Variants in GOLGB1 observed in about 807,000 individuals in gnomAD.
The protein encoded by GOLGB1 is golgin subfamily B member 1.
GOLGB1 carries 174 observed loss-of-function variants against 336.9 expected under a neutral mutation model. The ratio of observed to expected loss-of-function variants is 0.52; its 90% CI spans 0.46 to 0.59. The LOEUF is 0.59. GOLGB1 is among the 20% of genes least tolerant of loss of function. The pLI is 0.00. For synonymous variants in GOLGB1, 1,208 were observed against 1,289.2 expected (o/e 0.94, Z 1.35); for missense variants, 3,331 against 3,645.3 (o/e 0.91, Z 2.22).
intron 13 of GOLGB1, 134 bp downstream of exon 13, chr3:121,693,606 AG>A (rs1942665732): frequency 8.9e-6 from 6 of 671,150 alleles, no homozygotes; most frequent in Non-Finnish European, 1.5e-5. Context: ...AAAAGTCAGA[AG>A]TGAGAGAGAA....
At chr3:121,731,658 C>A (rs1308928126) in intron 1 of GOLGB1, among the ~76,000 whole-genome samples, 3 of 152,044 alleles carry the variant, frequency 2.0e-5, no homozygotes, top group Non-Finnish European at 2.9e-5. Flanking sequence ...CTTGATAAAC[C>A]ATGTGGCTTT....
At chr3:121,670,376 T>C (rs1939325719) in intron 17 of GOLGB1, among the ~76,000 whole-genome samples, 1 of 152,138 alleles carries the variant, frequency 6.6e-6, no homozygotes, top group Non-Finnish European at 1.5e-5. Flanking sequence ...ACAAACAATG[T>C]TTTAGAGGAG....
intron 1 of GOLGB1, among the ~76,000 whole-genome samples, chr3:121,736,692 C>T (rs1946491224): frequency 6.6e-6 from 1 of 152,116 alleles, no homozygotes; most frequent in African/African-American, 2.4e-5. Flanking sequence ...CACTTGAGGT[C>T]AGTAGTTCGA....
intron 5 of GOLGB1, among the ~76,000 whole-genome samples, chr3:121,725,891 G>A (rs950276898): frequency 7.2e-5 from 11 of 151,812 alleles, no homozygotes; most frequent in East Asian, 1.9e-4. Context: ...GCTGCCTTGC[G>A]ACACCACTGA....
chr3:121,705,798 T>C (rs188310820), intron 10 of GOLGB1, among the ~76,000 whole-genome samples: 29 of 152,294 alleles, frequency 1.9e-4, no homozygotes, highest in African/African-American at 7.0e-4. Flanking sequence ...GAATAGCACT[T>C]GGTGCTCACA....
intron 14 of GOLGB1, among the ~76,000 whole-genome samples, chr3:121,683,321 GCA>G (rs1395917264): frequency 6.6e-6 from 1 of 152,016 alleles, no homozygotes; most frequent in Non-Finnish European, 1.5e-5. Context: ...GGCACCTGAG[GCA>G]CAGTTACAAG....
At chr3:121,726,758 A>G in intron 5 of GOLGB1, among the ~76,000 whole-genome samples, 155 bp downstream of exon 5, 1 of 152,318 alleles carries the variant, frequency 6.6e-6, no homozygotes, top group African/African-American at 2.4e-5. Flanking sequence ...TTCTAATAAA[A>G]TTACCAGACA....
chr3:121,677,047 A>G lies in GOLGB1; in HGVS notation c.9040-17T>C, dbSNP rs1473275547. ...TGGGGATGCCTGCCAGGACACAAACATTGATCAGATTCTCTCCTAAGATTG... is the reference window on the plus strand; with the variant it reads ...TGGGGATGCCTGCCAGGACACAAACGTTGATCAGATTCTCTCCTAAGATTG... On this transcript the variant is annotated splice_polypyrimidine_tract_variant and intron_variant, in intron 16 of 21. Transcript: ENST00000614479. 1 of 1,613,738 alleles carries G rather than the reference A, an allele frequency of 6.2e-7. No individual in the cohort carries two copies. The highest frequency in any genetic ancestry group is 8.5e-7 in the Non-Finnish European group (1 of 1,179,706).
At chr3:121,670,764 G>GC (rs1424337874) in intron 17 of GOLGB1, among the ~76,000 whole-genome samples, 4 of 148,430 alleles carry the variant, frequency 2.7e-5, no homozygotes, top group African/African-American at 9.9e-5. Context: ...TTGGGGGGGG[G>GC]GGTGTGGGAG....
intron 4 of GOLGB1, among the ~76,000 whole-genome samples, chr3:121,728,391 C>G (rs1398300665): frequency 6.6e-6 from 1 of 152,062 alleles, no homozygotes; most frequent in Non-Finnish European, 1.5e-5. Flanking sequence ...CAAAATGAAA[C>G]TAAAAAAATA....
At chr3:121,733,810 A>C (rs1023141965) in intron 1 of GOLGB1, among the ~76,000 whole-genome samples, 1 of 152,222 alleles carries the variant, frequency 6.6e-6, no homozygotes, top group Admixed American at 6.5e-5. Flanking sequence ...GAGAAAGGAC[A>C]ATCTTTTCAA....
In GOLGB1 at chr3:121,719,751, C is replaced by T. The variant is rs750600082; in HGVS notation, c.666G>A (p.Gln222=). Residue 222 remains glutamine, a synonymous_variant, in exon 7 of 22, where the codon CAG becomes CAA. Coordinates refer to ENST00000614479, the MANE Select transcript of GOLGB1 (RefSeq NM_001366282.2). ...EQAAQLSSMQ[Q]VVREKDARFE... is the part of the protein sequence containing the mutation. ...AGCGGGCATCTTTCTCTCGGACCAC[C>T]TGCTGCATGGAACTCAACTGAAGAC... 1 of 1,605,638 alleles carries T rather than the reference C, an allele frequency of 6.2e-7. No homozygotes were observed. Among genetic ancestry groups the T allele is most frequent in the Non-Finnish European group, 8.5e-7 (1 of 1,175,938 alleles).
chr3:121,705,582 T>C (rs1008052271), intron 10 of GOLGB1, among the ~76,000 whole-genome samples: 1 of 152,174 alleles, frequency 6.6e-6, no homozygotes, highest in Non-Finnish European at 1.5e-5. Context: ...CCTAAGTTCA[T>C]GAGACAGAGC....
intron 1 of GOLGB1, among the ~76,000 whole-genome samples, chr3:121,747,151 TA>T (rs1420948276): frequency 4.1e-3 from 30 of 7,390 alleles, no homozygotes; most frequent in African/African-American, 0.01. Flanking sequence ...ACATGGATGT[TA>T]TATATATATA....
rs981658545 is a variant in GOLGB1, at chr3:121,663,648, C to T, written c.*832G>A. ...GAGAGTCAATGCCTAATATTGGCTC[C>T]CAGTGGCCCCTGAGCACTGTCTCAG... On this transcript the variant is annotated 3_prime_UTR_variant, in exon 22 of 22. Coordinates refer to ENST00000614479, the MANE Select transcript of GOLGB1 (RefSeq NM_001366282.2). 4.6e-5 allele frequency: 7 copies of T among 151,998 alleles called. No individual in the cohort carries two copies. Among genetic ancestry groups the T allele is most frequent in the African/African-American group, 1.7e-4 (7 of 41,360 alleles). The allele number at this position is 151,998 out of a possible 1,614,324, so 9.4% of individuals were successfully genotyped here. A position where few individuals can be genotyped will look rare whatever the true frequency, so the allele number is the denominator to read the frequency against.
intron 14 of GOLGB1, among the ~76,000 whole-genome samples, chr3:121,684,142 A>C (rs891247587): frequency 1.3e-5 from 2 of 148,532 alleles, no homozygotes; most frequent in African/African-American, 2.5e-5. Context: ...AAAAAAAAAA[A>C]AAAAAAAAAA....
At chr3:121,684,274 A>C (rs1351914231) in intron 14 of GOLGB1, among the ~76,000 whole-genome samples, 1 of 98,048 alleles carries the variant, frequency 1.0e-5, no homozygotes, top group Non-Finnish European at 2.2e-5. Context: ...GAAATACAGC[A>C]AAAAAAAAAA....
rs61730221 is a variant in GOLGB1, at chr3:121,696,523, T to C, written c.4000A>G (p.Thr1334Ala). ...VELELKVSST[T>A]SELTKKSEEV... ...TCTGATTTTTTAGTAAGCTCACTTG[T>C]TGTAGAACTAACTTTCAATTCTAAC... Residue 1334 changes from threonine to alanine, a missense_variant, in exon 13 of 22, where the codon ACA becomes GCA. Transcript: ENST00000614479. 23,430 of 1,614,148 alleles carry C rather than the reference T, an allele frequency of 0.015. 224 individuals carry two copies. The highest frequency in any genetic ancestry group is 0.017 in the Non-Finnish European group (19,847 of 1,179,970).
intron 15 of GOLGB1, among the ~76,000 whole-genome samples, chr3:121,678,717 G>A (rs181123993): frequency 1.3e-4 from 20 of 152,162 alleles, no homozygotes; most frequent in Non-Finnish European, 2.6e-4. Context: ...ACAGGCGCAC[G>A]CCACCATGCC....
Sources: gnomAD v4.1 joint callset for allele counts (sites outside exome capture counted in the v4.1 genomes callset) on GRCh38, gnomAD v4.1.1 for gene constraint, MANE v1.5 for transcripts, NCBI Gene and HGNC (gene_info 2026-07-23, HGNC 2026-07-21) for gene names.